Variants in NRG2 observed in about 807,000 individuals in gnomAD.
The protein encoded by NRG2 is neuregulin 2, also known as pro-neuregulin-2, membrane-bound isoform.
In NRG2, 27 loss-of-function variants were observed where a neutral mutation model predicts 73.9. That is an observed-to-expected ratio of 0.37 (90% CI 0.27 to 0.50). NRG2 has a LOEUF of 0.50. Among genes scored for constraint, NRG2 ranks in the 20% least tolerant of loss-of-function variants. The probability of loss-of-function intolerance (pLI) is 0.96; values close to 1 mark genes in which losing one functional copy is unlikely to be tolerated. For missense variants in NRG2, 1,126 were observed against 1,210.1 expected (o/e 0.93, Z 1.03); for synonymous variants, 532 against 541.0 (o/e 0.98, Z 0.23).
At chr5:139,900,509 T>C (rs1456781954) in intron 1 of NRG2, among the ~76,000 whole-genome samples, 2 of 152,132 alleles carry the variant, frequency 1.3e-5, no homozygotes, top group African/African-American at 2.4e-5. Context: ...GGCTCAGAAA[T>C]GGTGGGAAAA....
intron 1 of NRG2, among the ~76,000 whole-genome samples, chr5:140,003,887 T>C (rs1218983453): frequency 6.6e-6 from 1 of 152,242 alleles, no homozygotes; most frequent in Non-Finnish European, 1.5e-5. Flanking sequence ...TCACAAATCC[T>C]GTAAGTCCTA....
At chr5:139,988,502 C>A (rs965799340) in intron 1 of NRG2, among the ~76,000 whole-genome samples, 2 of 151,850 alleles carry the variant, frequency 1.3e-5, no homozygotes, top group Non-Finnish European at 2.9e-5. Flanking sequence ...TCTGGAGGAA[C>A]CTTAAATCCA....
intron 1 of NRG2, among the ~76,000 whole-genome samples, chr5:139,939,929 T>C (rs1025710285): frequency 1.3e-5 from 2 of 152,174 alleles, no homozygotes; most frequent in Non-Finnish European, 2.9e-5. Context: ...GAGATACTAC[T>C]ATACACCCAC....
intron 1 of NRG2, among the ~76,000 whole-genome samples, chr5:139,992,266 T>C (rs1474547461): frequency 1.3e-5 from 2 of 152,234 alleles, no homozygotes; most frequent in Non-Finnish European, 2.9e-5. Context: ...GCGTCTGCTC[T>C]TTAATTATGT....
At chr5:139,873,381 G>A (rs1178171624) in intron 3 of NRG2, among the ~76,000 whole-genome samples, 1 of 152,234 alleles carries the variant, frequency 6.6e-6, no homozygotes, top group Non-Finnish European at 1.5e-5. Flanking sequence ...AAGGGACAGA[G>A]AAGAGAAGCA....
Position 139,887,262 on chromosome 5 carries a change from C to G in NRG2, c.872+78G>C. The G allele has an allele frequency of 1.3e-6, 2 of 1,526,430 alleles. No homozygotes were observed. Among genetic ancestry groups the G allele is most frequent in the Admixed American group, 1.7e-5 (1 of 58,668 alleles). 94.6% of individuals were successfully genotyped at this position (1,526,430 alleles called of 1,614,324 possible). ...GAGTCTGGGGGCACAGCCCTGGCCTCTGCCCAGTTCAGGCCACTCCTTCTC... is the reference window on the plus strand; with the variant it reads ...GAGTCTGGGGGCACAGCCCTGGCCTGTGCCCAGTTCAGGCCACTCCTTCTC... On this transcript the variant is annotated intron_variant, in intron 2 of 9. Coordinates refer to ENST00000361474, the MANE Select transcript of NRG2 (RefSeq NM_004883.3). The surrounding 1 kb of genome is among the most constrained non-coding windows in gnomAD (Gnocchi z 4.5).
At chr5:139,848,779 G>GGC (rs2126990142) in intron 9 of NRG2, 82 bp from the exon 10 acceptor site, 10 of 198,600 alleles carry the variant, frequency 5.0e-5, no homozygotes, top group East Asian at 4.1e-4. Context: ...GGTAGGGTGG[G>GGC]AGGGGCGGAC....
chr5:139,904,659 G>C lies in NRG2; in HGVS notation c.701-17148C>G, dbSNP rs534909166. 6.6e-6 allele frequency among the ~76,000 whole-genome samples: 1 copy of C among 152,300 alleles called. No individual in the cohort carries two copies. The highest frequency in any genetic ancestry group is 1.5e-5 in the Non-Finnish European group (1 of 68,004). Reference sequence around the variant, plus strand: ...TCCCTGGGCCCACCGAGGTAGGCAAGACCGGCGCCTAAACAGGGCGCCACA... The same window carrying C: ...TCCCTGGGCCCACCGAGGTAGGCAACACCGGCGCCTAAACAGGGCGCCACA... On this transcript the variant is annotated intron_variant, in intron 1 of 9. Transcript: ENST00000361474. The surrounding 1 kb of genome is among the most constrained non-coding windows in gnomAD (Gnocchi z 6.0).
chr5:140,030,251 A>G (rs1761027577), intron 1 of NRG2, among the ~76,000 whole-genome samples: 1 of 152,228 alleles, frequency 6.6e-6, no homozygotes, highest in African/African-American at 2.4e-5. Context: ...CCTTGACCCA[A>G]GGAAGCCCAT....
In NRG2 at chr5:139,852,964, C is replaced by G. The variant is rs751391715; in HGVS notation, c.1356G>C (p.Arg452=). Residue 452 remains arginine (R), a synonymous_variant, in exon 7 of 10, where the codon CGG becomes CGC. Transcript: ENST00000361474. The surrounding 1 kb of genome is among the most constrained non-coding windows in gnomAD (Gnocchi z 4.4). ...GGTGGCTGGGCCCATTGGCCAAGCTCCGGTTCTGATGGGCCGGGCACATGT... is the reference window on the plus strand; with the variant it reads ...GGTGGCTGGGCCCATTGGCCAAGCTGCGGTTCTGATGGGCCGGGCACATGT... The part of the protein sequence containing the change: ...RQNMCPAHQN[R]SLANGPSHPR... The G allele has an allele frequency of 1.2e-6, 2 of 1,612,804 alleles. No individual in the cohort carries two copies. Among genetic ancestry groups the G allele is most frequent in the Admixed American group, 3.4e-5 (2 of 59,574 alleles).
rs1764444581 is a variant in NRG2 at position 139,894,647 on chromosome 5, C to A, written c.701-7136G>T. Among the ~76,000 whole-genome samples the A allele has an allele frequency of 6.6e-6, 1 of 152,120 alleles. No individual in the cohort carries two copies. The highest frequency in any genetic ancestry group is 6.5e-5 in the Admixed American group (1 of 15,284). Reference sequence around the variant, plus strand: ...AGCCACATTTCCTCAGTCACCTAAGCCCAGCCCAATGCCTGGGCTTGCTTT... The same window carrying A: ...AGCCACATTTCCTCAGTCACCTAAGACCAGCCCAATGCCTGGGCTTGCTTT... On this transcript the variant is annotated intron_variant, in intron 1 of 9. Transcript: ENST00000361474. The surrounding 1 kb of genome is among the most constrained non-coding windows in gnomAD (Gnocchi z 5.0).
At chr5:139,891,545 A>G (rs550827199) in intron 1 of NRG2, among the ~76,000 whole-genome samples, 1 of 152,276 alleles carries the variant, frequency 6.6e-6, no homozygotes, top group African/African-American at 2.4e-5. Flanking sequence ...AACCATACCA[A>G]GAAATAAGCA....
chr5:139,976,192 T>C (rs1388335417), intron 1 of NRG2, among the ~76,000 whole-genome samples: 7 of 152,182 alleles, frequency 4.6e-5, no homozygotes. Flanking sequence ...ACAATCCTGC[T>C]TTGGAATTCC....
intron 1 of NRG2, among the ~76,000 whole-genome samples, chr5:139,934,039 A>T (rs1324720507): frequency 6.6e-6 from 1 of 152,116 alleles, no homozygotes; most frequent in Non-Finnish European, 1.5e-5. Context: ...TCTCTTCAAA[A>T]AGTACAAAAA....
chr5:139,986,720 T>C (rs2126578092), intron 1 of NRG2, among the ~76,000 whole-genome samples: 1 of 152,320 alleles, frequency 6.6e-6, no homozygotes, highest in South Asian at 2.1e-4. Flanking sequence ...CACTAGCACA[T>C]GTGGCTCTTG....
rs750886353 is a variant in NRG2, at chr5:140,042,787, G to C, written c.283C>G (p.Arg95Gly). The change falls in exon 1 of 10, where the codon CGC (arginine) becomes GGC (glycine). Residue 95 changes from arginine to glycine, a missense_variant. This residue lies in a region of NRG2 where 185 missense variants were observed against 149.0 expected (regional missense o/e 1.24). Transcript: ENST00000361474. ...SRAAAAGGMRRDPAPGFSMLL... is the reference protein window; with the variant it reads ...SRAAAAGGMRGDPAPGFSMLL... ...ATGGAGAAGCCGGGGGCCGGGTCGC[G>C]CCTCATGCCGCCGGCGGCTGCGGCT... The C allele has an allele frequency of 6.6e-7, 1 of 1,516,548 alleles. No individual in the cohort carries two copies. The highest frequency in any genetic ancestry group is 1.4e-5 in the African/African-American group (1 of 70,402). 93.9% of individuals were successfully genotyped at this position (1,516,548 alleles called of 1,614,324 possible). A position where few individuals can be genotyped will look rare whatever the true frequency, so the allele number is the denominator to read the frequency against.
At chr5:139,918,040 C>G (rs1473202726) in intron 1 of NRG2, among the ~76,000 whole-genome samples, 2 of 152,144 alleles carry the variant, frequency 1.3e-5, no homozygotes, top group Non-Finnish European at 2.9e-5. Flanking sequence ...ACTGTTAAGT[C>G]TTTGACCCAT....
chr5:139,938,376 A>G (rs1753004668), intron 1 of NRG2, among the ~76,000 whole-genome samples: 1 of 149,138 alleles, frequency 6.7e-6, no homozygotes, highest in South Asian at 2.2e-4. Flanking sequence ...TTTTTTTTTG[A>G]GACAGGGTCT....
At chr5:139,855,800 G>T in intron 5 of NRG2, 22 bp from the exon 6 acceptor site, 1 of 1,594,518 alleles carries the variant, frequency 6.3e-7, no homozygotes, top group Non-Finnish European at 8.6e-7. Context: ...GGGTAGATGT[G>T]AGGGGTGGGG....
Sources: allele counts gnomAD v4.1 joint callset (sites outside exome capture counted in the v4.1 genomes callset), GRCh38; gene constraint gnomAD v4.1.1; regional missense constraint gnomAD v4.1.1; non-coding constraint Gnocchi (gnomAD v3.1); transcripts MANE v1.5; gene names NCBI Gene and HGNC (gene_info 2026-07-23, HGNC 2026-07-21).